The following USP54 variants were observed in gnomAD, a reference collection of about 807,000 sequenced individuals.
USP54 encodes the protein ubiquitin carboxyl-terminal hydrolase 54.
In USP54, 87 loss-of-function variants were observed where a neutral mutation model predicts 170.5. The observed-to-expected ratio is 0.51, with a 90% confidence interval of 0.43 to 0.61. USP54 has a LOEUF of 0.61. USP54 is among the 20% of genes least tolerant of loss of function. The pLI, the probability that USP54 is intolerant of heterozygous loss-of-function variation, is 0.00. For synonymous variants in USP54, 655 were observed against 742.8 expected (o/e 0.88, Z 1.92); for missense variants, 1,786 against 2,047.8 (o/e 0.87, Z 2.47).
intron 12 of USP54, among the ~76,000 whole-genome samples, chr10:73,531,305 GAT>G (rs2063927517): frequency 6.8e-6 from 1 of 148,044 alleles, no homozygotes; most frequent in Admixed American, 6.7e-5. Flanking sequence ...AAAAAAAAAA[GAT>G]AAATGCAGAG....
intron 4 of USP54, among the ~76,000 whole-genome samples, chr10:73,556,441 G>C (rs2071073468): frequency 6.7e-6 from 1 of 150,102 alleles, no homozygotes; most frequent in Admixed American, 6.7e-5. Flanking sequence ...CCACCTCCCA[G>C]GTTGAAGCAA....
chr10:73,577,886 C>A (rs565014570), intron 1 of USP54, among the ~76,000 whole-genome samples: 6 of 152,256 alleles, frequency 3.9e-5, no homozygotes, highest in African/African-American at 1.4e-4. Flanking sequence ...CTCATACACA[C>A]CCCACTCAAG....
rs1269479489 is a variant in USP54 at position 73,526,709 on chromosome 10, C to G, written c.2132G>C (p.Ser711Thr). ...TGCTGTGGAGTCTACCTCCAGGATG[C>G]TACTGCTGTGCGACTTTGGGATATG... ...WRHIPKSHSSSILEVDSTASM... is the reference protein window; with the variant it reads ...WRHIPKSHSSTILEVDSTASM... Residue 711 changes from serine (S) to threonine (T), a missense_variant, in exon 16 of 24, where the codon AGC becomes ACC. By Grantham distance (58) the Ser-to-Thr change is moderately conservative. Around this residue, in one of 3 missense-constraint regions of USP54, gnomAD observed 1,418 missense variants for 1,569.0 expected, o/e 0.90. Transcript: ENST00000687698. 6.2e-7 allele frequency: 1 copy of G among 1,614,062 alleles called. No homozygotes were observed. Among genetic ancestry groups the G allele is most frequent in the Non-Finnish European group, 8.5e-7 (1 of 1,180,034 alleles).
At chr10:73,508,931 G>GC (rs1355450830) in intron 20 of USP54, among the ~76,000 whole-genome samples, 1 of 149,676 alleles carries the variant, frequency 6.7e-6, no homozygotes, top group African/African-American at 2.5e-5. Context: ...CTCCCAAAGT[G>GC]TGGGATTACA....
At chr10:73,503,248 C>T (rs905633976) in intron 22 of USP54, among the ~76,000 whole-genome samples, 4 of 152,168 alleles carry the variant, frequency 2.6e-5, no homozygotes, top group Non-Finnish European at 5.9e-5. Context: ...TCCAGGAAGC[C>T]TTCCATGATA....
intron 1 of USP54, among the ~76,000 whole-genome samples, chr10:73,598,942 G>A (rs2078957056): frequency 6.6e-6 from 1 of 151,822 alleles, no homozygotes; most frequent in Non-Finnish European, 1.5e-5. Context: ...AGCTGGGTTT[G>A]GTGGCGCATG....
chr10:73,522,637 A>C (rs935066537), intron 17 of USP54, among the ~76,000 whole-genome samples: 6 of 152,262 alleles, frequency 3.9e-5, no homozygotes, highest in Admixed American at 1.3e-4. Context: ...GACTATCCAA[A>C]TATAGAGACA....
chr10:73,624,037 G>A (rs1203645752), intron 1 of USP54, among the ~76,000 whole-genome samples: 4 of 151,634 alleles, frequency 2.6e-5, no homozygotes, highest in African/African-American at 4.8e-5. Context: ...CATCAGAAAA[G>A]CACTTCTACT....
Position 73,517,702 on chromosome 10 carries a change from T to C in USP54, c.2724A>G (p.Gln908=), listed in dbSNP as rs779912771. ...ACTCTGTATCCATGCCGGATTCCAG[T>C]TGGGCCTCTTGGCTTAACAATACTT... The part of the protein sequence containing the change: ...PLQVLLSQEA[Q]LESGMDTEFG... The change falls in exon 20 of 24, where the codon CAA becomes CAG. Residue 908 remains glutamine, a synonymous_variant. Transcript: ENST00000687698. 2.4e-5 allele frequency: 38 copies of C among 1,614,134 alleles called. No homozygotes were observed. The Middle Eastern group carries it at 5.0e-4, about 21-fold the overall frequency.
rs1411022425 is a variant in USP54, at chr10:73,519,824, T to A, written c.2651A>T (p.Gln884Leu). 1 of 1,613,914 alleles carries A rather than the reference T, an allele frequency of 6.2e-7. No homozygotes were observed. The highest frequency in any genetic ancestry group is 1.3e-5 in the African/African-American group (1 of 74,904). ...PSQPSACLPT[Q>L]AGTLSQPTSE... is the part of the protein sequence containing the mutation. ...TGTTGGCTGAGAGAGAGTCCCCGCC[T>A]GTGTTGGGAGGCAGGCTGAGGGCTG... is the stretch of plus-strand genomic sequence containing the variant. Residue 884 changes from glutamine to leucine, a missense_variant, in exon 19 of 24, where the codon CAG becomes CTG. This residue lies in a region of USP54 where 1,418 missense variants were observed against 1,569.0 expected (regional missense o/e 0.90). Transcript: ENST00000687698.
At chr10:73,565,166 A>T (rs559130574) in intron 4 of USP54, among the ~76,000 whole-genome samples, 1 of 152,202 alleles carries the variant, frequency 6.6e-6, no homozygotes, top group South Asian at 2.1e-4. Flanking sequence ...ATGAGAAATA[A>T]ATCTTTGGTA....
chr10:73,606,878 C>CAAAA (rs200071977), intron 1 of USP54, among the ~76,000 whole-genome samples: 2 of 55,914 alleles, frequency 3.6e-5, no homozygotes, highest in East Asian at 4.4e-4. Flanking sequence ...GACAATATCT[C>CAAAA]AAAAAAAAAA....
At chr10:73,503,562 C>T (rs989125241) in intron 22 of USP54, among the ~76,000 whole-genome samples, 1 of 152,124 alleles carries the variant, frequency 6.6e-6, no homozygotes, top group Non-Finnish European at 1.5e-5. Flanking sequence ...GCCAACTCTC[C>T]TAGGAAAAGA....
chr10:73,621,372 C>T lies in USP54; in HGVS notation c.-18+4195G>A, dbSNP rs987424402. On this transcript the variant is annotated intron_variant, in intron 1 of 22. Transcript: ENST00000339859. ...ATCCCAGCACGTTGGGAGGCCGAGA[C>T]GGGAAGATCACAAGGTCAGGAGATC... Among the ~76,000 whole-genome samples, 9 of 146,736 alleles carry T rather than the reference C, an allele frequency of 6.1e-5. 1 individual carries two copies. The highest frequency in any genetic ancestry group is 1.4e-4 in the African/African-American group (5 of 36,564).
At chr10:73,537,367 T>C (rs1355315522) in intron 10 of USP54, among the ~76,000 whole-genome samples, 1 of 152,168 alleles carries the variant, frequency 6.6e-6, no homozygotes, top group African/African-American at 2.4e-5. Flanking sequence ...AATACTTTAC[T>C]ATTTGTGGAA....
chr10:73,613,001 C>CAA (rs1177307759), intron 1 of USP54, among the ~76,000 whole-genome samples: 8 of 151,930 alleles, frequency 5.3e-5, no homozygotes, highest in African/African-American at 1.9e-4. Flanking sequence ...CCAAGAAACA[C>CAA]AAAAAATTAG....
At chr10:73,620,591 G>A (rs2081013389) in intron 1 of USP54, among the ~76,000 whole-genome samples, 1 of 147,530 alleles carries the variant, frequency 6.8e-6, no homozygotes, top group Admixed American at 6.7e-5. Context: ...CCAAAGTGCT[G>A]GGATTACAGA....
chr10:73,565,425 A>G (rs1367044160), intron 4 of USP54, among the ~76,000 whole-genome samples: 1 of 152,164 alleles, frequency 6.6e-6, no homozygotes, highest in Non-Finnish European at 1.5e-5. Context: ...CAGAGGCAAG[A>G]GGATTCCTTG....
rs555190114 is a variant in USP54, at chr10:73,528,852, A to G, written c.2060+828T>C. Among the ~76,000 whole-genome samples, 9 of 152,354 alleles carry G rather than the reference A, an allele frequency of 5.9e-5. No homozygotes were observed. The East Asian group carries it at 1.7e-3, about 29-fold the overall frequency. Reference sequence around the variant, plus strand: ...TATACAACATGATGTTATGAGATACATAGAGACAGTAAAATGGTTACTATA... The same window carrying G: ...TATACAACATGATGTTATGAGATACGTAGAGACAGTAAAATGGTTACTATA... On this transcript the variant is annotated intron_variant, in intron 15 of 23. Coordinates refer to ENST00000687698, the MANE Select transcript of USP54 (RefSeq NM_001391956.1).
Sources: allele counts gnomAD v4.1 joint callset (sites outside exome capture counted in the v4.1 genomes callset), GRCh38; gene constraint gnomAD v4.1.1; regional missense constraint gnomAD v4.1.1; transcripts MANE v1.5; gene names NCBI Gene and HGNC (gene_info 2026-07-23, HGNC 2026-07-21).